GPD2: variants seen among roughly 807,000 people sequenced by gnomAD.
GPD2 encodes the protein glycerol-3-phosphate dehydrogenase, mitochondrial.
Under a neutral mutation model 82.4 loss-of-function variants are expected in GPD2, and 54 were observed. The observed-to-expected ratio is 0.66, with a 90% CI of 0.53 to 0.82. The LOEUF is 0.82. Ranked by LOEUF, GPD2 falls within the 40% of genes least tolerant of loss-of-function variation. GPD2 has a pLI of 0.00. For missense variants in GPD2, 748 were observed against 896.2 expected (o/e 0.83, Z 2.11); for synonymous variants, 288 against 306.1 (o/e 0.94, Z 0.62).
intron 2 of GPD2, among the ~76,000 whole-genome samples, chr2:156,478,803 G>A (rs1490442420): frequency 6.6e-6 from 1 of 152,132 alleles, no homozygotes; most frequent in African/African-American, 2.4e-5. Context: ...CTTGTTACAG[G>A]TATATTTACC....
chr2:156,416,727 AACAG>A, the GPD2 span, among the ~76,000 whole-genome samples: 1 of 152,046 alleles, frequency 6.6e-6, no homozygotes, highest in Non-Finnish European at 1.5e-5. Context: ...CAGTGAACAA[AACAG>A]ACAGATATCC....
intron 2 of GPD2, among the ~76,000 whole-genome samples, chr2:156,491,357 T>G (rs1458782336): frequency 6.6e-6 from 1 of 152,214 alleles, no homozygotes; most frequent in Non-Finnish European, 1.5e-5. Context: ...GGACAACACA[T>G]AAATGATTGG....
intron 1 of GPD2, among the ~76,000 whole-genome samples, chr2:156,475,681 CT>C (rs1211345742): frequency 6.6e-6 from 1 of 152,202 alleles, no homozygotes; most frequent in Non-Finnish European, 1.5e-5. Flanking sequence ...TGTTTATTGT[CT>C]TGTTGAGTGA....
rs1688207032 is a variant in GPD2, at chr2:156,586,090, A to G, written c.*3172A>G. ...ATAGAGCAATAAGAGGATGTATTTA[A>G]TGTGCCTTGTTTTTAACTGAATAAG... On this transcript the variant is annotated 3_prime_UTR_variant, in exon 17 of 17. Coordinates refer to ENST00000438166, the MANE Select transcript of GPD2 (RefSeq NM_000408.5). The G allele has an allele frequency of 6.6e-6, 1 of 152,452 alleles. No individual in the cohort carries two copies. Among genetic ancestry groups the G allele is most frequent in the Admixed American group, 6.6e-5 (1 of 15,206 alleles). The allele number at this position is 152,452 out of a possible 1,614,324, so 9.4% of individuals were successfully genotyped here. A position where few individuals can be genotyped will look rare whatever the true frequency, so the allele number is the denominator to read the frequency against.
intron 1 of GPD2, among the ~76,000 whole-genome samples, chr2:156,462,591 C>T (rs1232436755): frequency 6.6e-6 from 1 of 151,988 alleles, no homozygotes; most frequent in Admixed American, 6.6e-5. Flanking sequence ...CATGAGCCAC[C>T]GCACCTAGCC....
rs553318028 is a variant in GPD2 at position 156,478,056 on chromosome 2, A to G, written c.102+1849A>G. 5.3e-5 allele frequency among the ~76,000 whole-genome samples: 8 copies of G among 152,322 alleles called. No homozygotes were observed. The South Asian group carries it at 6.2e-4, about 12-fold the overall frequency. ...GTAAGCATGTTCTACTTCAGAGTTT[A>G]TAGCTTAAATTTGTACCTAGGTAAC... On this transcript the variant is annotated intron_variant, in intron 2 of 16. Transcript: ENST00000438166.
chr2:156,534,683 AGTT>A (rs1284492223), intron 6 of GPD2, among the ~76,000 whole-genome samples: 2 of 152,198 alleles, frequency 1.3e-5, no homozygotes, highest in South Asian at 2.1e-4. Context: ...TAGTATTCTC[AGTT>A]GTTTTTTCAC....
intron 13 of GPD2, among the ~76,000 whole-genome samples, chr2:156,575,101 T>A (rs1392147102): frequency 3.9e-5 from 6 of 152,204 alleles, no homozygotes; most frequent in African/African-American, 1.4e-4. Flanking sequence ...AATTTGCAGT[T>A]AAGATTCTCT....
upstream of GPD2, chr2:156,435,939 G>A (rs979414777): frequency 6.6e-6 from 1 of 152,466 alleles, no homozygotes; most frequent in African/African-American, 2.4e-5. Context: ...CCTAGCTCAG[G>A]CTTTCCAGTC....
chr2:156,467,964 AATC>A (rs1401393243), intron 1 of GPD2, among the ~76,000 whole-genome samples: 2 of 152,090 alleles, frequency 1.3e-5, no homozygotes, highest in Non-Finnish European at 2.9e-5. Context: ...GCAGAGTACT[AATC>A]ATGATCCCCA....
At chr2:156,409,712 A>C in the GPD2 span, among the ~76,000 whole-genome samples, 10 of 152,156 alleles carry the variant, frequency 6.6e-5, no homozygotes, top group African/African-American at 2.4e-4. Context: ...AAAAACAAAA[A>C]CAAAAAAACC....
chr2:156,403,297 A>G, the GPD2 span, among the ~76,000 whole-genome samples: 1 of 152,102 alleles, frequency 6.6e-6, no homozygotes. Context: ...TTCGTTCCAA[A>G]TTGATCTGAG....
intron 13 of GPD2, among the ~76,000 whole-genome samples, chr2:156,571,785 G>A (rs1490408970): frequency 6.6e-6 from 1 of 151,850 alleles, no homozygotes; most frequent in Admixed American, 6.6e-5. Flanking sequence ...ACATATACAC[G>A]CACACAAACA....
chr2:156,402,634 C>A, the GPD2 span, among the ~76,000 whole-genome samples: 1 of 152,074 alleles, frequency 6.6e-6, no homozygotes, highest in Non-Finnish European at 1.5e-5. Flanking sequence ...GTGTGCACCA[C>A]CATGCATGGC....
At chr2:156,418,431 T>A in the GPD2 span, among the ~76,000 whole-genome samples, 1 of 151,960 alleles carries the variant, frequency 6.6e-6, no homozygotes, top group South Asian at 2.1e-4. Flanking sequence ...AAATGTTACA[T>A]TAATAATAAA....
At chr2:156,561,295 C>T (rs1049936482) in intron 9 of GPD2, among the ~76,000 whole-genome samples, 1 of 152,088 alleles carries the variant, frequency 6.6e-6, no homozygotes, top group Non-Finnish European at 1.5e-5. Flanking sequence ...ATCCACCCGC[C>T]TTGGCCTCCC....
At chr2:156,415,196 T>G in the GPD2 span, among the ~76,000 whole-genome samples, 1 of 143,772 alleles carries the variant, frequency 7.0e-6, no homozygotes, top group African/African-American at 2.6e-5. Context: ...TCTTGCTCAG[T>G]GGACCAGGCT....
At position 156,510,787 on chromosome 2, in the gene GPD2, G is replaced by A. The variant is rs1360157067; in HGVS notation, c.275-9G>A. On this transcript the variant is annotated splice_polypyrimidine_tract_variant and intron_variant, in intron 3 of 16. Coordinates refer to ENST00000438166, the MANE Select transcript of GPD2 (RefSeq NM_000408.5). ...TTTAAGAAGTTAATTTGGTTTTCTG[G>A]TTACACAGGACTAAAAACAGCCCTT... The A allele has an allele frequency of 1.2e-6, 2 of 1,610,998 alleles. No homozygotes were observed. The highest frequency in any genetic ancestry group is 2.7e-5 in the African/African-American group (2 of 74,848).
chr2:156,471,470 C>G (rs1302674378), intron 1 of GPD2, among the ~76,000 whole-genome samples: 3 of 152,236 alleles, frequency 2.0e-5, no homozygotes, highest in Non-Finnish European at 4.4e-5. Flanking sequence ...ACACAGTCTT[C>G]CTCTCTCTTC....
Sources: gnomAD v4.1 joint callset for allele counts (sites outside exome capture counted in the v4.1 genomes callset) on GRCh38, gnomAD v4.1.1 for gene constraint, MANE v1.5 for transcripts, NCBI Gene and HGNC (gene_info 2026-07-23, HGNC 2026-07-21) for gene names.